Variants in NOL4 observed in about 807,000 individuals in gnomAD.
The protein encoded by NOL4 is cancer/testis antigen 125.
A neutral mutation model predicts 75.9 loss-of-function variants in NOL4; 17 were observed. The observed-to-expected ratio is 0.22, with a 90% CI of 0.15 to 0.34. The LOEUF is 0.34. NOL4 is among the 10% of genes least tolerant of loss of function. The pLI is 1.00. For missense variants in NOL4, 614 were observed against 793.5 expected, an observed-to-expected ratio of 0.77 and a Z score of 2.72; for synonymous variants, 292 against 289.9, an observed-to-expected ratio of 1.01 and a Z score of -0.07.
intron 1 of NOL4, among the ~76,000 whole-genome samples, chr18:34,154,031 CAT>C (rs1220850297): frequency 3.9e-5 from 6 of 151,932 alleles, no homozygotes; most frequent in Non-Finnish European, 8.8e-5. Flanking sequence ...AGGAGTCAGA[CAT>C]GTGTCCAGCT....
intron 6 of NOL4, among the ~76,000 whole-genome samples, chr18:33,983,788 A>G (rs943070646): frequency 1.2e-4 from 18 of 151,990 alleles, no homozygotes; most frequent in Admixed American, 1.2e-3. Context: ...TTTAACATGA[A>G]GTTAAACCAA....
chr18:34,079,868 T>C (rs1171234463), intron 5 of NOL4, among the ~76,000 whole-genome samples: 1 of 152,226 alleles, frequency 6.6e-6, no homozygotes, highest in African/African-American at 2.4e-5. Flanking sequence ...GATATATAAC[T>C]ATGCTATTAA....
intron 5 of NOL4, among the ~76,000 whole-genome samples, chr18:34,053,856 A>T (rs2076726298): frequency 6.6e-6 from 1 of 151,986 alleles, no homozygotes; most frequent in Non-Finnish European, 1.5e-5. Flanking sequence ...TTCTTTCAGA[A>T]TACTCACATT....
At chr18:33,894,939 T>C (rs760689449) in intron 9 of NOL4, among the ~76,000 whole-genome samples, 12 of 152,126 alleles carry the variant, frequency 7.9e-5, no homozygotes, top group Non-Finnish European at 1.3e-4. Flanking sequence ...TCAATAATGA[T>C]ATATACTTCG....
At chr18:33,947,468 C>G (rs922679196) in intron 8 of NOL4, among the ~76,000 whole-genome samples, 2 of 151,696 alleles carry the variant, frequency 1.3e-5, no homozygotes, top group African/African-American at 4.8e-5. Context: ...TATTTTGATG[C>G]AAAAACCAAA....
In NOL4 at chr18:34,224,909, A is replaced by G. The variant is rs148256990; in HGVS notation, c.-1656T>C. ...CCGGGCGGAGCGCAGGCAGCTCCACACGCTAAACCTCTCGCCTCTCCCCTC... is the reference window on the plus strand; with the variant it reads ...CCGGGCGGAGCGCAGGCAGCTCCACGCGCTAAACCTCTCGCCTCTCCCCTC... On this transcript the variant is annotated 5_prime_UTR_variant, in exon 1 of 11. Transcript: ENST00000261592. 4,328 of 152,628 alleles carry G rather than the reference A, an allele frequency of 0.028. 96 individuals carry two copies. The highest frequency in any genetic ancestry group is 0.042 in the Non-Finnish European group (2,866 of 68,274). The allele number at this position is 152,628 out of a possible 1,614,324, so 9.5% of individuals were successfully genotyped here. A position where few individuals can be genotyped will look rare whatever the true frequency, so the allele number is the denominator to read the frequency against.
chr18:34,035,327 A>G (rs2075836151), intron 5 of NOL4, among the ~76,000 whole-genome samples: 1 of 152,170 alleles, frequency 6.6e-6, no homozygotes, highest in African/African-American at 2.4e-5. Context: ...GGAAACTTAT[A>G]AATAGTTGGA....
intron 1 of NOL4, among the ~76,000 whole-genome samples, chr18:34,204,748 T>C (rs936365630): frequency 2.6e-5 from 4 of 152,026 alleles, no homozygotes; most frequent in Admixed American, 2.0e-4. Flanking sequence ...CATAAGTTTA[T>C]ACCAATTATA....
chr18:34,119,145 CA>C (rs1181771464), intron 2 of NOL4, among the ~76,000 whole-genome samples: 2 of 152,122 alleles, frequency 1.3e-5, no homozygotes, highest in African/African-American at 4.8e-5. Flanking sequence ...ATCAGTTAGA[CA>C]AAAGACAGAC....
chr18:34,207,540 C>T (rs930487232), intron 1 of NOL4, among the ~76,000 whole-genome samples: 2 of 152,190 alleles, frequency 1.3e-5, no homozygotes, highest in Non-Finnish European at 2.9e-5. Flanking sequence ...AAGACTTTGC[C>T]ATGGTGCTTT....
intron 6 of NOL4, among the ~76,000 whole-genome samples, chr18:33,962,506 A>G (rs1186297560): frequency 6.6e-6 from 1 of 151,400 alleles, no homozygotes; most frequent in Non-Finnish European, 1.5e-5. Flanking sequence ...CCATGCAATG[A>G]TAACATATGT....
chr18:34,129,745 A>C (rs777217763), intron 2 of NOL4, 126 bp downstream of exon 2: 3 of 799,642 alleles, frequency 3.8e-6, no homozygotes, highest in Non-Finnish European at 5.4e-6. Context: ...AATGTTGGGC[A>C]TGACCATCAT....
chr18:33,965,745 G>A (rs1486213889), intron 6 of NOL4, among the ~76,000 whole-genome samples: 1 of 152,060 alleles, frequency 6.6e-6, no homozygotes, highest in Non-Finnish European at 1.5e-5. Flanking sequence ...AGGATTGTAA[G>A]TTTCCTGAAG....
intron 6 of NOL4, chr18:34,001,597 G>C (rs1224521952): frequency 6.6e-6 from 1 of 152,140 alleles, no homozygotes; most frequent in African/African-American, 2.4e-5. Flanking sequence ...GGGCAGGGTA[G>C]AGGGGTGGGG....
At chr18:34,192,528 G>A (rs2034996933) in intron 1 of NOL4, among the ~76,000 whole-genome samples, 2 of 152,100 alleles carry the variant, frequency 1.3e-5, no homozygotes, top group Admixed American at 6.6e-5. Flanking sequence ...GACCAACAGA[G>A]CAGAATAGAT....
intron 5 of NOL4, among the ~76,000 whole-genome samples, chr18:34,092,284 T>A (rs1296852823): frequency 6.6e-6 from 1 of 152,154 alleles, no homozygotes; most frequent in African/African-American, 2.4e-5. Flanking sequence ...TCTTATAATA[T>A]TTCCAAATAA....
chr18:33,996,202 G>GA (rs1173842289), intron 6 of NOL4, among the ~76,000 whole-genome samples: 1 of 150,490 alleles, frequency 6.6e-6, no homozygotes, highest in Non-Finnish European at 1.5e-5. Context: ...ATTTAGAACG[G>GA]AAAAAAAAGA....
chr18:34,030,512 G>A (rs1275687162), intron 5 of NOL4, among the ~76,000 whole-genome samples: 1 of 152,046 alleles, frequency 6.6e-6, no homozygotes, highest in Admixed American at 6.6e-5. Flanking sequence ...TATACTCTTT[G>A]GTAATCAAAG....
rs1489837297 is a variant in NOL4, at chr18:34,223,042, C to T, written c.212G>A (p.Arg71His). 1 of 1,613,602 alleles carries T rather than the reference C, an allele frequency of 6.2e-7. No individual in the cohort carries two copies. The highest frequency in any genetic ancestry group is 1.7e-5 in the Admixed American group (1 of 60,030). ...TTGCTTGGCGCCGCCGCCTCCCCCG[C>T]GGACCTCGTCCGGCTGGCCCAGCTG... ...GFQLGQPDEV[R>H]GGGGGAKQVL... The change falls in exon 1 of 11, where the codon CGC (arginine) becomes CAC (histidine). Residue 71 changes from arginine to histidine, a missense_variant. Arg to His is a conservative substitution (Grantham distance 29). This residue lies in a region of NOL4 where 49 missense variants were observed against 39.6 expected (regional missense o/e 1.24). Transcript: ENST00000261592.
Sources: gnomAD v4.1 joint callset for allele counts (sites outside exome capture counted in the v4.1 genomes callset) on GRCh38, gnomAD v4.1.1 for gene constraint, gnomAD v4.1.1 regional missense constraint, MANE v1.5 for transcripts, NCBI Gene and HGNC (gene_info 2026-07-23, HGNC 2026-07-21) for gene names.